Variants in ALK observed in about 807,000 individuals in gnomAD.
ALK encodes the protein ALK receptor tyrosine kinase.
Under a neutral mutation model 163.1 loss-of-function variants are expected in ALK, and 74 were observed. The ratio of observed to expected loss-of-function variants is 0.45; its 90% CI spans 0.38 to 0.55. The LOEUF (loss-of-function observed/expected upper bound fraction) is 0.55. Ranked by LOEUF, ALK falls within the 20% of genes least tolerant of loss-of-function variation. ALK has a pLI of 0.00. For missense variants in ALK, 2,063 were observed against 2,105.3 expected (o/e 0.98, Z 0.39); for synonymous variants, 960 against 843.2 (o/e 1.14, Z -2.40).
At chr2:29,425,045 G>A (rs114675520) in intron 4 of ALK, among the ~76,000 whole-genome samples, 1 of 152,100 alleles carries the variant, frequency 6.6e-6, no homozygotes, top group Non-Finnish European at 1.5e-5. Context: ...TTTGAATGGG[G>A]GAATGAGGAG....
chr2:29,893,190 G>A (rs757840185), intron 1 of ALK, among the ~76,000 whole-genome samples: 1 of 152,070 alleles, frequency 6.6e-6, no homozygotes, highest in Non-Finnish European at 1.5e-5. Context: ...TGGGATTTCA[G>A]CCACTTTCCA....
intron 13 of ALK, among the ~76,000 whole-genome samples, chr2:29,235,851 C>T (rs1329421180): frequency 1.6e-5 from 2 of 121,794 alleles, no homozygotes; most frequent in African/African-American, 6.2e-5. Flanking sequence ...AGCTACCAGG[C>T]TCGACTTTTT....
intron 1 of ALK, among the ~76,000 whole-genome samples, chr2:29,859,208 T>C (rs1416063692): frequency 1.3e-5 from 2 of 152,186 alleles, no homozygotes; most frequent in Non-Finnish European, 2.9e-5. Flanking sequence ...GTACTGGGGA[T>C]AGGAACCCTC....
At chr2:29,491,042 T>TA (rs1479780369) in intron 4 of ALK, among the ~76,000 whole-genome samples, 3 of 152,252 alleles carry the variant, frequency 2.0e-5, no homozygotes, top group Non-Finnish European at 4.4e-5. Context: ...TCCATGTTCA[T>TA]AGGCCCCTCA....
intron 1 of ALK, among the ~76,000 whole-genome samples, chr2:29,817,695 C>T (rs1378351215): frequency 6.6e-6 from 1 of 152,166 alleles, no homozygotes; most frequent in Non-Finnish European, 1.5e-5. Flanking sequence ...TCCTCTCTTC[C>T]TCCCTTTATA....
intron 1 of ALK, among the ~76,000 whole-genome samples, chr2:29,789,014 A>AGTGTGT (rs1558488881): frequency 6.4e-4 from 10 of 15,748 alleles, no homozygotes; most frequent in Middle Eastern, 0.05. Context: ...ATCCTGGTAC[A>AGTGTGT]CTGTGTGTGT....
At chr2:29,257,774 A>C (rs1336480505) in intron 11 of ALK, among the ~76,000 whole-genome samples, 1 of 152,228 alleles carries the variant, frequency 6.6e-6, no homozygotes, top group African/African-American at 2.4e-5. Context: ...ATACAGAGCC[A>C]TTTTGATGGG....
In ALK at chr2:29,861,786, G is replaced by C. The variant is rs142228808; in HGVS notation, c.667+58207C>G. On this transcript the variant is annotated intron_variant, in intron 1 of 28. Coordinates refer to ENST00000389048, the MANE Select transcript of ALK (RefSeq NM_004304.5). ...AATACTTCCAAACTCACTTTATGAG[G>C]CAAAATTACCCTGATACTGAAGCCA... Among the ~76,000 whole-genome samples, 348 of 152,172 alleles carry C rather than the reference G, an allele frequency of 2.3e-3. 3 individuals are homozygous for C. The Middle Eastern group carries it at 0.027, about 12-fold the overall frequency.
chr2:29,239,612 G>T, intron 13 of ALK, 68 bp downstream of exon 13: 1 of 1,583,332 alleles, frequency 6.3e-7, no homozygotes, highest in Non-Finnish European at 8.6e-7. Flanking sequence ...TTGAGTGTTG[G>T]TGCCTCCAAG....
intron 3 of ALK, among the ~76,000 whole-genome samples, chr2:29,609,225 A>G (rs918654179): frequency 1.4e-4 from 21 of 152,022 alleles, no homozygotes; most frequent in Admixed American, 3.9e-4. Context: ...TGCCCAGACT[A>G]TTTCCAGTTT....
intron 3 of ALK, among the ~76,000 whole-genome samples, chr2:29,639,810 T>C (rs934602548): frequency 3.3e-5 from 5 of 152,154 alleles, no homozygotes; most frequent in Non-Finnish European, 2.9e-5. Context: ...GGTGTGTCTT[T>C]ACATAGGGAA....
chr2:29,498,320 C>G (rs1672083387), intron 4 of ALK, among the ~76,000 whole-genome samples: 1 of 152,042 alleles, frequency 6.6e-6, no homozygotes, highest in Non-Finnish European at 1.5e-5. Flanking sequence ...AGGAAATACA[C>G]TTATTGATGA....
chr2:29,537,391 T>A (rs1416031783), intron 3 of ALK, among the ~76,000 whole-genome samples: 1 of 152,044 alleles, frequency 6.6e-6, no homozygotes, highest in Non-Finnish European at 1.5e-5. Context: ...TAGCCATGGC[T>A]CAAAAGGGCC....
chr2:29,591,002 C>A (rs1049367613), intron 3 of ALK, among the ~76,000 whole-genome samples: 1 of 129,790 alleles, frequency 7.7e-6, no homozygotes, highest in African/African-American at 2.9e-5. Context: ...ACCTGGGAGG[C>A]GGAGCTTGCA....
chr2:29,333,309 T>G (rs1667506092), intron 5 of ALK, among the ~76,000 whole-genome samples: 1 of 152,102 alleles, frequency 6.6e-6, no homozygotes, highest in Non-Finnish European at 1.5e-5. Flanking sequence ...AGAGACGAGG[T>G]TTCGCCATGT....
intron 9 of ALK, among the ~76,000 whole-genome samples, chr2:29,287,477 AATG>A (rs1203052939): frequency 1.3e-5 from 2 of 152,192 alleles, no homozygotes; most frequent in Non-Finnish European, 2.9e-5. Flanking sequence ...AGAAACCTTA[AATG>A]ATGATACAGA....
Position 29,766,107 on chromosome 2 carries a change from A to G in ALK, c.668-48410T>C, listed in dbSNP as rs577371880. Among the ~76,000 whole-genome samples, 140 of 152,388 alleles carry G rather than the reference A, an allele frequency of 9.2e-4. 4 individuals are homozygous for G. The Middle Eastern group carries it at 0.02, about 22-fold the overall frequency. ...AGCTGTACAGTATTTTGTTGTATCA[A>G]TGCATAATTAACTCAACAGAATCCA... is the stretch of plus-strand genomic sequence containing the variant. On this transcript the variant is annotated intron_variant, in intron 1 of 28. Transcript: ENST00000389048.
intron 1 of ALK, among the ~76,000 whole-genome samples, chr2:29,787,264 G>C (rs188215421): frequency 1.6e-4 from 25 of 152,286 alleles, no homozygotes; most frequent in Middle Eastern, 3.4e-3. Context: ...TGTTCATCTA[G>C]AATACATGTA....
chr2:29,471,230 C>T (rs534403637), intron 4 of ALK, among the ~76,000 whole-genome samples: 2 of 152,190 alleles, frequency 1.3e-5, no homozygotes, highest in South Asian at 2.1e-4. Context: ...TGCAGTAAAA[C>T]CAATTTCACA....
Sources: gnomAD v4.1 joint callset for allele counts (sites outside exome capture counted in the v4.1 genomes callset) on GRCh38, gnomAD v4.1.1 for gene constraint, MANE v1.5 for transcripts, NCBI Gene and HGNC (gene_info 2026-07-23, HGNC 2026-07-21) for gene names.